CD58: variants seen among roughly 807,000 people sequenced by gnomAD.
CD58 encodes the protein lymphocyte function-associated antigen 3.
Under a neutral mutation model 27.6 loss-of-function variants are expected in CD58, and 14 were observed. The observed-to-expected ratio is 0.51, with a 90% CI of 0.34 to 0.79. The LOEUF is 0.79. CD58 is among the 30% of genes least tolerant of loss of function. CD58 has a pLI of 0.02. For synonymous variants in CD58, 117 were observed against 103.8 expected, an observed-to-expected ratio of 1.13 and a Z score of -0.77; for missense variants, 268 against 301.7, an observed-to-expected ratio of 0.89 and a Z score of 0.83.
In CD58 at chr1:116,541,922, T is replaced by C. The variant is rs948955212; in HGVS notation, c.364+2389A>G. ...GCTTAAGCCTTGATGTTTCCAGTGT[T>C]AAGAGGTTGGGGAAACAAGGAAACT... On this transcript the variant is annotated intron_variant, in intron 2 of 5. Coordinates refer to ENST00000369489, the MANE Select transcript of CD58 (RefSeq NM_001779.3). This position sits in a 1 kb window ranked among gnomAD's most constrained non-coding sequence, Gnocchi z 5.3. 4.6e-5 allele frequency among the ~76,000 whole-genome samples: 7 copies of C among 152,192 alleles called. No homozygotes were observed. Among genetic ancestry groups the C allele is most frequent in the African/African-American group, 1.4e-4 (6 of 41,446 alleles).
intron 1 of CD58, among the ~76,000 whole-genome samples, chr1:116,565,814 T>C (rs1478030842): frequency 1.3e-5 from 2 of 151,816 alleles, no homozygotes; most frequent in African/African-American, 4.8e-5. Flanking sequence ...CTCTGCCTCC[T>C]GGTTCAGGCC....
At position 116,552,995 on chromosome 1, in the gene CD58, T is replaced by C. The variant is rs976185469; in HGVS notation, c.71-8391A>G. On this transcript the variant is annotated intron_variant, in intron 1 of 5. Transcript: ENST00000369489. The surrounding 1 kb of genome is among the most constrained non-coding windows in gnomAD (Gnocchi z 4.5). ...TCCTTGGACTCCTGACAGCATTAGG[T>C]AATTTTTTTTTTATGTTTAATTTTT... Among the ~76,000 whole-genome samples, 4 of 152,160 alleles carry C rather than the reference T, an allele frequency of 2.6e-5. No individual in the cohort carries two copies. Among genetic ancestry groups the C allele is most frequent in the Non-Finnish European group, 5.9e-5 (4 of 68,034 alleles).
intron 2 of CD58, among the ~76,000 whole-genome samples, chr1:116,540,419 TC>T (rs1442525154): frequency 1.3e-5 from 2 of 152,170 alleles, no homozygotes; most frequent in African/African-American, 2.4e-5. Context: ...TCATCTTATG[TC>T]TTTTTACAAC....
intron 3 of CD58, among the ~76,000 whole-genome samples, chr1:116,535,051 C>A (rs376426576): frequency 6.6e-6 from 1 of 151,996 alleles, no homozygotes. Flanking sequence ...AAGTCACTGA[C>A]CTTTTTGTTT....
At chr1:116,530,329 C>T (rs1482056656) in intron 3 of CD58, among the ~76,000 whole-genome samples, 1 of 152,014 alleles carries the variant, frequency 6.6e-6, no homozygotes, top group Non-Finnish European at 1.5e-5. Flanking sequence ...CCTCAGCCTC[C>T]CAAGTAGCTG....
chr1:116,555,022 T>C (rs1571084821), intron 1 of CD58, among the ~76,000 whole-genome samples: 1 of 152,134 alleles, frequency 6.6e-6, no homozygotes, highest in East Asian at 1.9e-4. Context: ...TCACAAACCA[T>C]GGATGAACGA....
rs1657247492 is a variant in CD58, at chr1:116,521,039, G to A, written c.706+867C>T. ...GTATTGAGCACTTGAAAGGTGGTTA[G>A]TGTAACTGAGGAATGAATCTTAAAT... On this transcript the variant is annotated intron_variant, in intron 4 of 5. Coordinates refer to ENST00000369489, the MANE Select transcript of CD58 (RefSeq NM_001779.3). The surrounding 1 kb of genome is among the most constrained non-coding windows in gnomAD (Gnocchi z 5.6). Among the ~76,000 whole-genome samples the A allele has an allele frequency of 6.6e-6, 1 of 152,192 alleles. No homozygotes were observed.
intron 1 of CD58, among the ~76,000 whole-genome samples, chr1:116,562,375 G>A (rs540192718): frequency 6.6e-6 from 1 of 152,246 alleles, no homozygotes. Context: ...CTGGAATGCA[G>A]TTGTGTCATC....
At position 116,541,933 on chromosome 1, in the gene CD58, G is replaced by A. The variant is rs550000709; in HGVS notation, c.364+2378C>T. ...GATGTTTCCAGTGTTAAGAGGTTGGGGAAACAAGGAAACTAGCAAAAGAAG... is the reference window on the plus strand; with the variant it reads ...GATGTTTCCAGTGTTAAGAGGTTGGAGAAACAAGGAAACTAGCAAAAGAAG... On this transcript the variant is annotated intron_variant, in intron 2 of 5. Coordinates refer to ENST00000369489, the MANE Select transcript of CD58 (RefSeq NM_001779.3). This position sits in a 1 kb window ranked among gnomAD's most constrained non-coding sequence, Gnocchi z 5.3. Among the ~76,000 whole-genome samples, 2 of 152,182 alleles carry A rather than the reference G, an allele frequency of 1.3e-5. No individual in the cohort carries two copies. Among genetic ancestry groups the A allele is most frequent in the Non-Finnish European group, 2.9e-5 (2 of 68,036 alleles).
At position 116,523,518 on chromosome 1, in the gene CD58, C is replaced by A. The variant is rs768783056; in HGVS notation, c.629-1535G>T. Among the ~76,000 whole-genome samples, 4 of 152,190 alleles carry A rather than the reference C, an allele frequency of 2.6e-5. No homozygotes were observed. The highest frequency in any genetic ancestry group is 5.9e-5 in the Non-Finnish European group (4 of 68,036). Reference sequence around the variant, plus strand: ...CACCTATTGGTCAGATTTGAGAAGACCCTGGCCAGAAACTGCTAGGTGCCC... The same window carrying A: ...CACCTATTGGTCAGATTTGAGAAGAACCTGGCCAGAAACTGCTAGGTGCCC... On this transcript the variant is annotated intron_variant, in intron 3 of 5. Transcript: ENST00000369489. This position sits in a 1 kb window ranked among gnomAD's most constrained non-coding sequence, Gnocchi z 4.4.
At chr1:116,520,462 G>A (rs1355843294) in intron 4 of CD58, among the ~76,000 whole-genome samples, 1 of 151,460 alleles carries the variant, frequency 6.6e-6, no homozygotes, top group Non-Finnish European at 1.5e-5. Flanking sequence ...ATTATCTGGG[G>A]CTAACAGTAC....
Position 116,565,202 on chromosome 1 carries a change from C to T in CD58, c.70+5701G>A, listed in dbSNP as rs186597435. 2.7e-3 allele frequency among the ~76,000 whole-genome samples: 412 copies of T among 152,290 alleles called. 3 individuals are homozygous for T. Among genetic ancestry groups the T allele is most frequent in the Non-Finnish European group, 4.1e-3 (277 of 68,022 alleles). On this transcript the variant is annotated intron_variant, in intron 1 of 5. Transcript: ENST00000369489. ...CACTCCTGTTCAAAATCCTTCAAAA[C>T]TTTCCAGTCACTGAAAGCAAAAAGG...
At chr1:116,537,010 C>T (rs1178374074) in intron 2 of CD58, among the ~76,000 whole-genome samples, 3 of 152,168 alleles carry the variant, frequency 2.0e-5, no homozygotes, top group Non-Finnish European at 4.4e-5. Context: ...ACTCCCAGCA[C>T]TTTGGGAGGC....
At chr1:116,556,287 A>G (rs1158145482) in intron 1 of CD58, among the ~76,000 whole-genome samples, 1 of 151,214 alleles carries the variant, frequency 6.6e-6, no homozygotes, top group Non-Finnish European at 1.5e-5. Flanking sequence ...AAAAATCAGA[A>G]TCCTAAAAAC....
chr1:116,551,103 T>A (rs941791869), intron 1 of CD58, among the ~76,000 whole-genome samples: 16 of 152,156 alleles, frequency 1.1e-4, no homozygotes, highest in Non-Finnish European at 2.2e-4. Flanking sequence ...TTAAGGGCCC[T>A]AAAAATTTTC....
At chr1:116,569,751 G>T (rs879244366) in intron 1 of CD58, among the ~76,000 whole-genome samples, 1 of 151,864 alleles carries the variant, frequency 6.6e-6, no homozygotes, top group African/African-American at 2.4e-5. Flanking sequence ...ATAGGTATGC[G>T]CCACCACGCT....
At chr1:116,518,596 C>A in intron 5 of CD58, 1 of 847,016 alleles carries the variant, frequency 1.2e-6, no homozygotes, top group Non-Finnish European at 1.4e-6. Context: ...CTGCCCTTCA[C>A]ACCCTGGGCC....
At chr1:116,542,583 G>C (rs1658025578) in intron 2 of CD58, among the ~76,000 whole-genome samples, 1 of 152,182 alleles carries the variant, frequency 6.6e-6, no homozygotes, top group African/African-American at 2.4e-5. Context: ...GTGGCTGGAG[G>C]GGTACAGGGA....
rs1228582955 is a variant in CD58, at chr1:116,524,607, A to G, written c.629-2624T>C. On this transcript the variant is annotated intron_variant, in intron 3 of 5. Coordinates refer to ENST00000369489, the MANE Select transcript of CD58 (RefSeq NM_001779.3). The surrounding 1 kb of genome is among the most constrained non-coding windows in gnomAD (Gnocchi z 4.6). ...AATGTTTACTTAACCTAATCAATTT[A>G]CAGCTGAATCTCCTTTCTTTCATGC... is the stretch of plus-strand genomic sequence containing the variant. 1.3e-5 allele frequency among the ~76,000 whole-genome samples: 2 copies of G among 152,236 alleles called. No individual in the cohort carries two copies. Among genetic ancestry groups the G allele is most frequent in the Non-Finnish European group, 2.9e-5 (2 of 68,036 alleles).
Sources: gnomAD v4.1 joint callset for allele counts (sites outside exome capture counted in the v4.1 genomes callset) on GRCh38, gnomAD v4.1.1 for gene constraint, Gnocchi (gnomAD v3.1) non-coding constraint, MANE v1.5 for transcripts, NCBI Gene and HGNC (gene_info 2026-07-23, HGNC 2026-07-21) for gene names.